RAB10: variants seen among roughly 807,000 people sequenced by gnomAD.
RAB10 encodes ras-related protein Rab-10.
A neutral mutation model predicts 25.7 loss-of-function variants in RAB10; 5 were observed. The observed-to-expected ratio is 0.19, with a 90% confidence interval of 0.10 to 0.41. The LOEUF (loss-of-function observed/expected upper bound fraction) is 0.41. Among genes scored for constraint, RAB10 ranks in the 10% least tolerant of loss-of-function variants. The pLI is 1.00. For synonymous variants in RAB10, 89 were observed against 86.4 expected, an observed-to-expected ratio of 1.03 and a Z score of -0.16; for missense variants, 103 against 245.8, an observed-to-expected ratio of 0.42 and a Z score of 3.89.
At chr2:26,126,591 T>A (rs1024934914) in intron 3 of RAB10, among the ~76,000 whole-genome samples, 1 of 152,206 alleles carries the variant, frequency 6.6e-6, no homozygotes. Context: ...AGGCTCTGTC[T>A]CAAAAAGAGA....
At chr2:26,123,297 G>A (rs1350102904) in intron 3 of RAB10, among the ~76,000 whole-genome samples, 16 of 152,072 alleles carry the variant, frequency 1.1e-4, no homozygotes, top group Non-Finnish European at 2.4e-4. Context: ...ACTTGCCCCC[G>A]AACACAGTCT....
chr2:26,036,387 G>A (rs79427699), intron 1 of RAB10, among the ~76,000 whole-genome samples: 1 of 152,198 alleles, frequency 6.6e-6, no homozygotes, highest in East Asian at 1.9e-4. Flanking sequence ...TGGGCCGGGC[G>A]CGGTGGCTCA....
intron 1 of RAB10, among the ~76,000 whole-genome samples, chr2:26,058,601 T>G (rs1430797929): frequency 6.6e-6 from 1 of 152,116 alleles, no homozygotes; most frequent in African/African-American, 2.4e-5. Context: ...GAGCTTCAAC[T>G]CCTAACTTAG....
intron 1 of RAB10, among the ~76,000 whole-genome samples, chr2:26,056,695 A>G (rs1009661515): frequency 2.0e-5 from 3 of 152,156 alleles, no homozygotes; most frequent in African/African-American, 7.2e-5. Context: ...TGGTGTGATC[A>G]TAACTCACTG....
At chr2:26,123,496 G>A (rs987973382) in intron 3 of RAB10, among the ~76,000 whole-genome samples, 14 of 152,174 alleles carry the variant, frequency 9.2e-5, no homozygotes, top group African/African-American at 3.1e-4. Context: ...ACTGTGTACC[G>A]ATGTTGAGCA....
chr2:26,076,281 C>T (rs1319639527), intron 1 of RAB10, among the ~76,000 whole-genome samples: 1 of 152,144 alleles, frequency 6.6e-6, no homozygotes, highest in African/African-American at 2.4e-5. Flanking sequence ...GAGCCAGAGA[C>T]CATGTTTTTC....
chr2:26,035,577 C>G (rs1341535591), intron 1 of RAB10, among the ~76,000 whole-genome samples: 1 of 152,154 alleles, frequency 6.6e-6, no homozygotes, highest in South Asian at 2.1e-4. Context: ...AGGGAAGGCT[C>G]TAGGAAAGTC....
At chr2:26,042,077 C>T (rs939590109) in intron 1 of RAB10, among the ~76,000 whole-genome samples, 1 of 152,092 alleles carries the variant, frequency 6.6e-6, no homozygotes, top group African/African-American at 2.4e-5. Flanking sequence ...ATGGATTTGT[C>T]CCCAAAGCAC....
At chr2:26,105,345 G>A (rs891303060) in intron 2 of RAB10, among the ~76,000 whole-genome samples, 2 of 152,098 alleles carry the variant, frequency 1.3e-5, no homozygotes, top group Non-Finnish European at 2.9e-5. Context: ...TGAGAATAAA[G>A]TGTTACAAGA....
chr2:26,080,211 T>C (rs192495816), intron 1 of RAB10, among the ~76,000 whole-genome samples: 2 of 152,230 alleles, frequency 1.3e-5, no homozygotes, highest in African/African-American at 2.4e-5. Flanking sequence ...TTTGAGTCCA[T>C]AGTAGCAAAA....
intron 1 of RAB10, among the ~76,000 whole-genome samples, chr2:26,045,066 G>A (rs528023232): frequency 1.6e-4 from 24 of 151,494 alleles, no homozygotes; most frequent in Non-Finnish European, 2.9e-4. Flanking sequence ...GATTTTGTTC[G>A]GGTTACTTGT....
intron 1 of RAB10, among the ~76,000 whole-genome samples, chr2:26,041,531 G>T (rs536035646): frequency 8.9e-4 from 114 of 127,936 alleles, no homozygotes; most frequent in African/African-American, 3.4e-3. Flanking sequence ...TGACAAGAGT[G>T]AGACGCTGAC....
intron 1 of RAB10, among the ~76,000 whole-genome samples, chr2:26,090,943 A>ACC (rs1667094489): frequency 3.0e-4 from 3 of 10,102 alleles, no homozygotes; most frequent in Non-Finnish European, 7.0e-4. Context: ...CCCCCCCCAA[A>ACC]AAAAAAAAAA....
rs771621815 is a variant in RAB10 at position 26,094,003 on chromosome 2, C to T, written c.128-4659C>T. 4.0e-5 allele frequency among the ~76,000 whole-genome samples: 6 copies of T among 151,796 alleles called. No homozygotes were observed. The South Asian group carries it at 6.2e-4, about 16-fold the overall frequency. ...TTCAACCTCCTGGACTCAGGTGATCCTCCCACCACAGCCTCCCAAGTAGCT... is the reference window on the plus strand; with the variant it reads ...TTCAACCTCCTGGACTCAGGTGATCTTCCCACCACAGCCTCCCAAGTAGCT... On this transcript the variant is annotated intron_variant, in intron 1 of 5. Coordinates refer to ENST00000264710, the MANE Select transcript of RAB10 (RefSeq NM_016131.5).
intron 5 of RAB10, among the ~76,000 whole-genome samples, chr2:26,132,582 C>T (rs565355114): frequency 9.2e-5 from 14 of 152,314 alleles, no homozygotes; most frequent in African/African-American, 2.9e-4. Flanking sequence ...ATCACTTTTA[C>T]ATTTCCTTTT....
intron 3 of RAB10, among the ~76,000 whole-genome samples, chr2:26,121,433 C>G (rs546675174): frequency 6.6e-6 from 1 of 152,296 alleles, no homozygotes; most frequent in South Asian, 2.1e-4. Flanking sequence ...ATTCTTCCTT[C>G]TCAGCCTCCC....
At chr2:26,066,777 A>ATTTTTTTTTTTTTTTTTT (rs3065544) in intron 1 of RAB10, among the ~76,000 whole-genome samples, 1 of 110,242 alleles carries the variant, frequency 9.1e-6, no homozygotes, top group African/African-American at 3.4e-5. Context: ...CATGCCATCA[A>ATTTTTTTTTTTTTTTTTT]TTTTTTTTTT....
chr2:26,123,626 C>T (rs539405219), intron 3 of RAB10, among the ~76,000 whole-genome samples: 23 of 152,198 alleles, frequency 1.5e-4, no homozygotes, highest in South Asian at 1.2e-3. Flanking sequence ...ATGAAGATGC[C>T]GGTGCTTCCA....
At chr2:26,107,523 C>T (rs1269695948) in intron 2 of RAB10, among the ~76,000 whole-genome samples, 2 of 151,744 alleles carry the variant, frequency 1.3e-5, no homozygotes, top group Admixed American at 6.6e-5. Flanking sequence ...AGGCCAGCCA[C>T]GGTGGCTCAC....
Sources: gnomAD v4.1 joint callset for allele counts (sites outside exome capture counted in the v4.1 genomes callset) on GRCh38, gnomAD v4.1.1 for gene constraint, MANE v1.5 for transcripts, NCBI Gene and HGNC (gene_info 2026-07-23, HGNC 2026-07-21) for gene names.